ADAMTS17: variants seen among roughly 807,000 people sequenced by gnomAD.
The protein encoded by ADAMTS17 is ADAM metallopeptidase with thrombospondin type 1 motif 17, also known as A disintegrin and metalloproteinase with thrombospondin motifs 17.
In ADAMTS17, 113 loss-of-function variants were observed where a neutral mutation model predicts 141.5. That is an observed-to-expected ratio of 0.80 (90% CI 0.69 to 0.93). The LOEUF is 0.93. Among genes scored for constraint, ADAMTS17 ranks in the 40% least tolerant of loss-of-function variants. The pLI, the probability that ADAMTS17 is intolerant of heterozygous loss-of-function variation, is 0.00. For missense variants in ADAMTS17, 1,659 were observed against 1,517.9 expected (o/e 1.09, Z -1.54); for synonymous variants, 768 against 630.6 (o/e 1.22, Z -3.27).
intron 7 of ADAMTS17, among the ~76,000 whole-genome samples, chr15:100,216,818 T>G (rs2041982753): frequency 6.6e-6 from 1 of 152,170 alleles, no homozygotes; most frequent in Non-Finnish European, 1.5e-5. Flanking sequence ...TTTTCAGATT[T>G]TGAGATAGGT....
At chr15:100,235,147 T>G (rs1567403931) in intron 7 of ADAMTS17, among the ~76,000 whole-genome samples, 1 of 152,038 alleles carries the variant, frequency 6.6e-6, no homozygotes, top group Non-Finnish European at 1.5e-5. Flanking sequence ...CAGGAGGTGC[T>G]CGGGGAGAAA....
intron 4 of ADAMTS17, among the ~76,000 whole-genome samples, chr15:100,266,050 A>ATT (rs1209914925): frequency 6.6e-5 from 10 of 152,234 alleles, no homozygotes; most frequent in African/African-American, 2.4e-4. Context: ...GTAACTGAGT[A>ATT]AAATTCATGT....
intron 8 of ADAMTS17, among the ~76,000 whole-genome samples, chr15:100,164,355 C>A (rs1596157693): frequency 6.6e-6 from 1 of 151,374 alleles, no homozygotes; most frequent in African/African-American, 2.4e-5. Context: ...CCTTAGTTTC[C>A]TCATCTATGA....
chr15:100,209,369 G>A (rs982802749), intron 7 of ADAMTS17, among the ~76,000 whole-genome samples: 4 of 152,232 alleles, frequency 2.6e-5, no homozygotes, highest in South Asian at 4.2e-4. Context: ...GCTCCTGAAC[G>A]CCAGCTCCTG....
At chr15:100,199,888 C>T (rs997400933) in intron 7 of ADAMTS17, among the ~76,000 whole-genome samples, 2 of 152,240 alleles carry the variant, frequency 1.3e-5, no homozygotes, top group African/African-American at 4.8e-5. Context: ...CAGGCGATGC[C>T]CCTGCACCCG....
intron 4 of ADAMTS17, among the ~76,000 whole-genome samples, chr15:100,264,010 C>T (rs545777209): frequency 1.2e-4 from 19 of 152,276 alleles, no homozygotes; most frequent in Admixed American, 5.9e-4. Context: ...AGGAATCAGC[C>T]GTGTCACTGC....
chr15:100,131,946 G>A (rs930430485), intron 12 of ADAMTS17, 61 bp downstream of exon 12: 1 of 1,610,728 alleles, frequency 6.2e-7, no homozygotes, highest in African/African-American at 1.3e-5. Context: ...GAGGCAGCGA[G>A]AGCTGCTGTT....
At chr15:100,319,597 G>A (rs1227276434) in intron 3 of ADAMTS17, among the ~76,000 whole-genome samples, 1 of 152,178 alleles carries the variant, frequency 6.6e-6, no homozygotes, top group Admixed American at 6.5e-5. Context: ...TGTAGTCCCG[G>A]CTACTCGGAG....
chr15:100,214,884 TTTGCTG>T (rs2041922122), intron 7 of ADAMTS17, among the ~76,000 whole-genome samples: 1 of 152,354 alleles, frequency 6.6e-6, no homozygotes, highest in African/African-American at 2.4e-5. Flanking sequence ...AGAGTAAAGC[TTTGCTG>T]TTGCACTGTC....
chr15:100,091,307 T>A (rs1169288671), intron 15 of ADAMTS17, among the ~76,000 whole-genome samples: 2 of 152,198 alleles, frequency 1.3e-5, no homozygotes, highest in Non-Finnish European at 2.9e-5. Context: ...GGATTTACTC[T>A]CAGAATTTAC....
chr15:100,323,934 T>C (rs74762887), intron 3 of ADAMTS17, among the ~76,000 whole-genome samples: 10,389 of 151,454 alleles, frequency 0.069, 846 homozygotes, highest in East Asian at 0.24. Flanking sequence ...CAGGTCAGTC[T>C]GGTGGTTGCT....
At chr15:100,262,242 T>C in intron 5 of ADAMTS17, 110 bp downstream of exon 5, 2 of 952,240 alleles carry the variant, frequency 2.1e-6, no homozygotes, top group Non-Finnish European at 3.3e-6. Flanking sequence ...CCACAGAGAG[T>C]GACGGAGACT....
chr15:100,173,802 T>A (rs2040242580), intron 8 of ADAMTS17, among the ~76,000 whole-genome samples: 2 of 151,984 alleles, frequency 1.3e-5, no homozygotes, highest in South Asian at 4.2e-4. Context: ...AACACCAATA[T>A]CAGGGGCCCA....
chr15:100,178,391 ACT>A (rs1310206937), intron 8 of ADAMTS17, among the ~76,000 whole-genome samples: 5 of 152,026 alleles, frequency 3.3e-5, no homozygotes, highest in African/African-American at 1.2e-4. Context: ...ACATTTCACC[ACT>A]CTGAGTTAAG....
At chr15:100,141,738 G>C (rs2038664264) in intron 10 of ADAMTS17, among the ~76,000 whole-genome samples, 1 of 152,206 alleles carries the variant, frequency 6.6e-6, no homozygotes, top group Non-Finnish European at 1.5e-5. Flanking sequence ...CTCACAACTG[G>C]CATGGTGTGG....
At chr15:100,326,580 T>G (rs142304438) in intron 3 of ADAMTS17, among the ~76,000 whole-genome samples, 1 of 152,336 alleles carries the variant, frequency 6.6e-6, no homozygotes, top group South Asian at 2.1e-4. Context: ...TGAGATGTCC[T>G]AAATCTACTC....
chr15:100,149,060 C>G (rs1019694745), intron 10 of ADAMTS17, among the ~76,000 whole-genome samples: 28 of 152,216 alleles, frequency 1.8e-4, no homozygotes, highest in Non-Finnish European at 1.9e-4. Context: ...AGGAAGGCTG[C>G]CTAGCAGGGA....
chr15:100,189,650 C>A (rs955880895), intron 8 of ADAMTS17, among the ~76,000 whole-genome samples: 1 of 152,206 alleles, frequency 6.6e-6, no homozygotes, highest in African/African-American at 2.4e-5. Context: ...GCCTTTGGGT[C>A]GTCAGCAGGC....
At chr15:100,311,050 T>G (rs2045387997) in intron 3 of ADAMTS17, among the ~76,000 whole-genome samples, 1 of 152,234 alleles carries the variant, frequency 6.6e-6, no homozygotes, top group Non-Finnish European at 1.5e-5. Context: ...CTGAGAAGGC[T>G]AGACCTTTTT....
Sources: gnomAD v4.1 joint callset for allele counts (sites outside exome capture counted in the v4.1 genomes callset) on GRCh38, gnomAD v4.1.1 for gene constraint, MANE v1.5 for transcripts, NCBI Gene and HGNC (gene_info 2026-07-23, HGNC 2026-07-21) for gene names.